The following RNF125 variants were observed in gnomAD, a reference collection of about 807,000 sequenced individuals.
RNF125 encodes E3 ubiquitin-protein ligase RNF125.
Under a neutral mutation model 26.0 loss-of-function variants are expected in RNF125, and 21 were observed. That is an observed-to-expected ratio of 0.81 (90% confidence interval 0.57 to 1.16). The LOEUF (loss-of-function observed/expected upper bound fraction) is 1.16, where lower values mean the gene tolerates loss of function less well. Among genes scored for constraint, RNF125 ranks in the 50% most tolerant of loss-of-function variants. RNF125 has a pLI of 0.00. For synonymous variants in RNF125, 95 were observed against 109.2 expected, an observed-to-expected ratio of 0.87 and a Z score of 0.81; for missense variants, 270 against 299.4, an observed-to-expected ratio of 0.90 and a Z score of 0.72.
intron 2 of RNF125, among the ~76,000 whole-genome samples, chr18:32,040,085 T>C (rs904840759): frequency 2.0e-5 from 3 of 151,838 alleles, no homozygotes; most frequent in Non-Finnish European, 4.4e-5. Flanking sequence ...AGCTTTGAGA[T>C]ACTTCTTATA....
downstream of RNF125, chr18:32,076,068 G>C (rs1046545908): frequency 1.1e-5 from 8 of 696,538 alleles, no homozygotes; most frequent in East Asian, 1.6e-4. Flanking sequence ...CTCTACACTT[G>C]TTTAGCCTGC....
chr18:32,029,208 A>C (rs2039068685), intron 1 of RNF125, among the ~76,000 whole-genome samples: 1 of 152,142 alleles, frequency 6.6e-6, no homozygotes, highest in Non-Finnish European at 1.5e-5. Context: ...AACTTTATTC[A>C]TATTGCTGTA....
chr18:32,033,385 G>A (rs1285038917), intron 1 of RNF125, among the ~76,000 whole-genome samples: 6 of 152,148 alleles, frequency 3.9e-5, no homozygotes, highest in East Asian at 1.9e-4. Flanking sequence ...AACATTTGCC[G>A]AACATGGTGG....
At chr18:32,084,370 A>G in the RNF125 span, among the ~76,000 whole-genome samples, 13 of 152,246 alleles carry the variant, frequency 8.5e-5, no homozygotes, top group African/African-American at 2.9e-4. Context: ...AAACAAACAA[A>G]CAAACAAAAA....
At chr18:32,034,561 T>C (rs2039133025) in intron 1 of RNF125, among the ~76,000 whole-genome samples, 1 of 152,110 alleles carries the variant, frequency 6.6e-6, no homozygotes, top group Admixed American at 6.6e-5. Flanking sequence ...TTAAGGTATA[T>C]GGAAGAGTTT....
At chr18:32,067,236 G>A (rs1386039046) in intron 5 of RNF125, among the ~76,000 whole-genome samples, 3 of 152,240 alleles carry the variant, frequency 2.0e-5, no homozygotes, top group Non-Finnish European at 2.9e-5. Flanking sequence ...CTGGGTGACA[G>A]AGCGAGACTC....
At chr18:32,080,280 C>T in the RNF125 span, among the ~76,000 whole-genome samples, 45 of 152,306 alleles carry the variant, frequency 3.0e-4, no homozygotes, top group Admixed American at 1.3e-3. Context: ...CTGCCCACCT[C>T]GGCCTCTCAA....
intron 1 of RNF125, among the ~76,000 whole-genome samples, chr18:32,020,435 T>G (rs963928085): frequency 2.6e-5 from 4 of 151,954 alleles, no homozygotes; most frequent in Admixed American, 1.3e-4. Flanking sequence ...CTTAATGTCC[T>G]TTGAAGGGTG....
chr18:32,071,740 G>A lies in RNF125; in HGVS notation c.*3356G>A, dbSNP rs528930290. ...GTTCTTTTATCCAGTACAAATAATT[G>A]GGAAAATGTAAAGCTGAATGAAATC... On this transcript the variant is annotated 3_prime_UTR_variant, in exon 6 of 6. Transcript: ENST00000217740. 1 of 152,154 alleles carries A rather than the reference G, an allele frequency of 6.6e-6. No individual in the cohort carries two copies. The highest frequency in any genetic ancestry group is 2.1e-4 in the South Asian group (1 of 4,814). 9.4% of individuals were successfully genotyped at this position (152,154 alleles called of 1,614,324 possible).
At chr18:32,045,601 C>A in intron 3 of RNF125, 41 bp from the exon 4 acceptor site, 1 of 1,375,238 alleles carries the variant, frequency 7.3e-7, no homozygotes, top group Non-Finnish European at 1.0e-6. Context: ...TATCTAGTTG[C>A]CAACCATTTT....
rs1233605881 is a variant in RNF125 at position 32,050,899 on chromosome 18, T to TG, written c.504+5168dup. Among the ~76,000 whole-genome samples the TG allele has an allele frequency of 8.1e-4, 78 of 96,028 alleles. 15 individuals carry two copies. Among genetic ancestry groups the TG allele is most frequent in the African/African-American group, 3.6e-3 (78 of 21,504 alleles). 63.0% of individuals were successfully genotyped at this position (96,028 alleles called of 152,430 possible). A position where few individuals can be genotyped will look rare whatever the true frequency, so the allele number is the denominator to read the frequency against. ...TTTTTTTTTTTTTTTTTTTTTTTTT[T>TG]GAAGAGACGGTGTTTCATCATCATG... On this transcript the variant is annotated intron_variant, in intron 4 of 5. Transcript: ENST00000217740.
the RNF125 span, among the ~76,000 whole-genome samples, chr18:32,082,340 A>G: frequency 2.0e-3 from 297 of 149,306 alleles, 1 homozygote; most frequent in African/African-American, 7.3e-3. Flanking sequence ...ACACACACAC[A>G]TATATATACA....
At chr18:32,067,034 T>C (rs1394841569) in intron 5 of RNF125, among the ~76,000 whole-genome samples, 2 of 152,100 alleles carry the variant, frequency 1.3e-5, no homozygotes, top group African/African-American at 2.4e-5. Flanking sequence ...GGGCGGATCA[T>C]GAGGTCAGGA....
chr18:32,045,884 A>G lies in RNF125; in HGVS notation c.504+152A>G, dbSNP rs1052609337. 1.1e-5 allele frequency: 6 copies of G among 536,090 alleles called. No homozygotes were observed. The South Asian group carries it at 1.5e-4, about 13-fold the overall frequency. 33.2% of individuals were successfully genotyped at this position (536,090 alleles called of 1,614,324 possible). Reference sequence around the variant, plus strand: ...CTCTGTGACTGTTTACAATGTGTGAAAGTGTTCAGTTGAAACTGATAAGAA... The same window carrying G: ...CTCTGTGACTGTTTACAATGTGTGAGAGTGTTCAGTTGAAACTGATAAGAA... On this transcript the variant is annotated intron_variant, in intron 4 of 5. Coordinates refer to ENST00000217740, the MANE Select transcript of RNF125 (RefSeq NM_017831.4).
intron 1 of RNF125, among the ~76,000 whole-genome samples, chr18:32,025,887 G>A (rs1048968356): frequency 4.0e-5 from 6 of 151,676 alleles, no homozygotes; most frequent in African/African-American, 1.5e-4. Context: ...GCCAATTTGG[G>A]GAGATTTTAA....
chr18:32,058,431 C>T (rs752632385), intron 4 of RNF125, among the ~76,000 whole-genome samples: 4 of 152,050 alleles, frequency 2.6e-5, no homozygotes, highest in South Asian at 2.1e-4. Flanking sequence ...CTGTGACCTC[C>T]GCCTCTCAGG....
At chr18:32,066,159 G>GA (rs2039483616) in intron 5 of RNF125, 150 bp downstream of exon 5, 5 of 545,034 alleles carry the variant, frequency 9.2e-6, no homozygotes, top group Non-Finnish European at 1.3e-5. Flanking sequence ...CATGAAAATA[G>GA]AATGTTTTGG....
intron 2 of RNF125, among the ~76,000 whole-genome samples, chr18:32,039,085 T>G (rs2039190751): frequency 6.7e-6 from 1 of 150,200 alleles, no homozygotes; most frequent in African/African-American, 2.4e-5. Flanking sequence ...ATCTTTAAGA[T>G]ATCACTCTAA....
At chr18:32,034,038 G>A (rs988901807) in intron 1 of RNF125, among the ~76,000 whole-genome samples, 2 of 151,520 alleles carry the variant, frequency 1.3e-5, no homozygotes, top group South Asian at 2.1e-4. Context: ...ATTTCAAACT[G>A]TACAGTCACC....
Sources: gnomAD v4.1 joint callset for allele counts (sites outside exome capture counted in the v4.1 genomes callset) on GRCh38, gnomAD v4.1.1 for gene constraint, MANE v1.5 for transcripts, NCBI Gene and HGNC (gene_info 2026-07-23, HGNC 2026-07-21) for gene names.